RASA3: variants seen among roughly 807,000 people sequenced by gnomAD.
The protein encoded by RASA3 is RAS p21 protein activator 3, also known as ras GTPase-activating protein 3.
In RASA3, 73 loss-of-function variants were observed where a neutral mutation model predicts 110.0. The observed-to-expected ratio is 0.66, with a 90% confidence interval of 0.55 to 0.81. The LOEUF (loss-of-function observed/expected upper bound fraction) is 0.81. Ranked by LOEUF, RASA3 falls within the 30% of genes least tolerant of loss-of-function variation. The pLI, the probability that RASA3 is intolerant of heterozygous loss-of-function variation, is 0.00. For missense variants in RASA3, 976 were observed against 1,113.2 expected (o/e 0.88, Z 1.75); for synonymous variants, 500 against 451.4 (o/e 1.11, Z -1.37).
intron 2 of RASA3, among the ~76,000 whole-genome samples, chr13:114,067,229 G>T (rs940464759): frequency 2.6e-5 from 4 of 151,244 alleles, no homozygotes; most frequent in Admixed American, 1.3e-4. Context: ...TTCTGGGGCT[G>T]AGGATGGGCC....
At chr13:114,079,494 C>T (rs2079746294) in intron 1 of RASA3, among the ~76,000 whole-genome samples, 1 of 152,208 alleles carries the variant, frequency 6.6e-6, no homozygotes, top group South Asian at 2.1e-4. Flanking sequence ...AGGCACACAG[C>T]GTCTTCTAAC....
Position 114,078,098 on chromosome 13 carries a change from A to G in RASA3, c.56-4261T>C, listed in dbSNP as rs973981583. On this transcript the variant is annotated intron_variant, in intron 1 of 23. Coordinates refer to ENST00000334062, the MANE Select transcript of RASA3 (RefSeq NM_007368.4). ...CATCCAATGAGCTGCTCAGACCAGGAGGGCTGGGGCTGCTGCAGCACGGCC... is the reference window on the plus strand; with the variant it reads ...CATCCAATGAGCTGCTCAGACCAGGGGGGCTGGGGCTGCTGCAGCACGGCC... The G allele has an allele frequency of 2.6e-5, 20 of 779,104 alleles. No individual in the cohort carries two copies. In the African/African-American group the frequency reaches 3.4e-4, roughly 13 times the overall value. 48.3% of individuals were successfully genotyped at this position (779,104 alleles called of 1,614,324 possible).
At chr13:114,117,074 GTGCACGTGTGTGAGGGA>G in intron 1 of RASA3, among the ~76,000 whole-genome samples, 1 of 140,192 alleles carries the variant, frequency 7.1e-6, no homozygotes, top group South Asian at 2.3e-4. Flanking sequence ...GTGTGTGGGG[GTGCACGTGTGTGAGGGA>G]TGCATGTGTG....
At chr13:114,073,682 A>T in intron 2 of RASA3, 38 bp downstream of exon 2, 1 of 1,518,958 alleles carries the variant, frequency 6.6e-7, no homozygotes, top group Non-Finnish European at 9.1e-7. Context: ...CACCAAAGAA[A>T]ACACATCAGT....
chr13:114,079,652 CCAGGCCCTGG>C (rs1249287216), intron 1 of RASA3, among the ~76,000 whole-genome samples: 1 of 152,246 alleles, frequency 6.6e-6, no homozygotes, highest in Non-Finnish European at 1.5e-5. Context: ...AGGTCCTCCT[CCAGGCCCTGG>C]CAGGGTCTCA....
Position 114,024,286 on chromosome 13 carries a change from C to A in RASA3, c.673G>T (p.Glu225Ter), listed in dbSNP as rs370747207. The change falls in exon 8 of 24, where the codon GAA becomes TAA. Residue 225 changes from glutamate (E) to a stop codon, truncating the protein, a stop_gained. Transcript: ENST00000334062. LOFTEE classifies it high-confidence loss of function. ...GGAGCCTGGTTTTCTCACCTGATTT[C>A]GAGCTTGTCCACGTCTTCCTCCTCA... ...DFEEEDVDKL[E>*]IRVDLWNASN... The A allele has an allele frequency of 6.2e-7, 1 of 1,614,012 alleles. No homozygotes were observed. Among genetic ancestry groups the A allele is most frequent in the South Asian group, 1.1e-5 (1 of 91,066 alleles).
At chr13:113,998,933 C>T (rs975811888) in intron 20 of RASA3, among the ~76,000 whole-genome samples, 1 of 152,192 alleles carries the variant, frequency 6.6e-6, no homozygotes, top group Non-Finnish European at 1.5e-5. Flanking sequence ...CGGCGACGTG[C>T]GATGGTGGCT....
chr13:114,098,767 C>T lies in RASA3; in HGVS notation c.56-24930G>A, dbSNP rs191316266. On this transcript the variant is annotated intron_variant, in intron 1 of 23. Coordinates refer to ENST00000334062, the MANE Select transcript of RASA3 (RefSeq NM_007368.4). ...AGAGAGGCAGTGGAAGGCACAAGGG[C>T]GGGAGAAAGACCTCAGAAGGGATTT... Among the ~76,000 whole-genome samples the T allele has an allele frequency of 2.3e-4, 35 of 152,046 alleles. No individual in the cohort carries two copies. The East Asian group carries it at 2.3e-3, about 10-fold the overall frequency.
At chr13:114,098,871 C>T (rs2079982462) in intron 1 of RASA3, among the ~76,000 whole-genome samples, 1 of 152,142 alleles carries the variant, frequency 6.6e-6, no homozygotes, top group Non-Finnish European at 1.5e-5. Context: ...TTCAGCAGCA[C>T]AAGAAAAAGA....
intron 21 of RASA3, among the ~76,000 whole-genome samples, chr13:113,994,549 C>A (rs1051564882): frequency 1.3e-4 from 13 of 100,700 alleles, no homozygotes; most frequent in African/African-American, 6.8e-4. Flanking sequence ...GTAATCCCAG[C>A]ACTCTGGGAG....
chr13:114,060,084 G>A lies in RASA3; in HGVS notation c.174-7929C>T, dbSNP rs912033210. On this transcript the variant is annotated intron_variant, in intron 2 of 23. Transcript: ENST00000334062. ...GCATGAATGAGGCCATGGACGGCGC[G>A]GAGAGCGCAGGAGGGGTCTAGGCAG... 2.0e-5 allele frequency among the ~76,000 whole-genome samples: 3 copies of A among 152,356 alleles called. No homozygotes were observed. The East Asian group carries it at 5.8e-4, about 29-fold the overall frequency.
intron 2 of RASA3, 119 bp downstream of exon 2, chr13:114,073,601 C>A: frequency 1.2e-6 from 1 of 830,610 alleles, no homozygotes; most frequent in Non-Finnish European, 2.1e-6. Context: ...GGGATGGTGA[C>A]GTACACGCTC....
At chr13:114,002,235 G>T (rs1274809514) in intron 18 of RASA3, among the ~76,000 whole-genome samples, 1 of 152,264 alleles carries the variant, frequency 6.6e-6, no homozygotes, top group African/African-American at 2.4e-5. Flanking sequence ...AAATCGGAAA[G>T]AGGGGCTTTG....
chr13:114,094,722 G>A (rs1372884844), intron 1 of RASA3, among the ~76,000 whole-genome samples: 2 of 152,174 alleles, frequency 1.3e-5, no homozygotes, highest in Non-Finnish European at 2.9e-5. Flanking sequence ...GCAAGAAAGG[G>A]TATAAATAAA....
intron 1 of RASA3, among the ~76,000 whole-genome samples, chr13:114,104,656 T>C (rs2080109311): frequency 6.6e-6 from 1 of 152,178 alleles, no homozygotes; most frequent in African/African-American, 2.4e-5. Context: ...GCACAAGATT[T>C]GGCGTCTCAA....
chr13:114,021,137 CCT>C (rs1445993759), intron 9 of RASA3, among the ~76,000 whole-genome samples: 2 of 152,150 alleles, frequency 1.3e-5, no homozygotes, highest in Admixed American at 6.6e-5. Context: ...ACCCACGTTC[CCT>C]GTCTTGTTTT....
chr13:114,019,801 G>A (rs369386231), intron 9 of RASA3, among the ~76,000 whole-genome samples: 186 of 54,760 alleles, frequency 3.4e-3, no homozygotes, highest in African/African-American at 5.2e-3. Flanking sequence ...TCAGGTGGGT[G>A]GAGCCTGTGT....
At chr13:114,099,497 G>A (rs899271538) in intron 1 of RASA3, among the ~76,000 whole-genome samples, 16 of 151,852 alleles carry the variant, frequency 1.1e-4, no homozygotes, top group African/African-American at 3.4e-4. Flanking sequence ...TCTGGTCAGC[G>A]CTTCTCAGAC....
intron 14 of RASA3, 140 bp from the exon 15 acceptor site, chr13:114,013,388 C>A: frequency 1.7e-6 from 1 of 601,084 alleles, no homozygotes; most frequent in Non-Finnish European, 3.0e-6. Flanking sequence ...TGTCTCTCTC[C>A]CTCTCTCTGT....
Sources: gnomAD v4.1 joint callset for allele counts (sites outside exome capture counted in the v4.1 genomes callset) on GRCh38, gnomAD v4.1.1 for gene constraint, MANE v1.5 for transcripts, NCBI Gene and HGNC (gene_info 2026-07-23, HGNC 2026-07-21) for gene names.